ZFYVE9: variants seen among roughly 807,000 people sequenced by gnomAD.
ZFYVE9 encodes the protein zinc finger FYVE domain-containing protein 9.
A neutral mutation model predicts 126.7 loss-of-function variants in ZFYVE9; 43 were observed. The observed-to-expected ratio is 0.34, with a 90% CI of 0.27 to 0.44. The LOEUF is 0.44. Among genes scored for constraint, ZFYVE9 ranks in the 20% least tolerant of loss-of-function variants. The pLI is 1.00. For synonymous variants in ZFYVE9, 521 were observed against 597.4 expected, an observed-to-expected ratio of 0.87 and a Z score of 1.87; for missense variants, 1,476 against 1,697.0, an observed-to-expected ratio of 0.87 and a Z score of 2.29.
At chr1:52,334,130 G>A (rs1646369028) in intron 14 of ZFYVE9, among the ~76,000 whole-genome samples, 2 of 152,040 alleles carry the variant, frequency 1.3e-5, no homozygotes, top group Non-Finnish European at 2.9e-5. Flanking sequence ...AAAATAGTTG[G>A]CAACCATATT....
chr1:52,290,006 A>G (rs1031720328), intron 10 of ZFYVE9, among the ~76,000 whole-genome samples: 1 of 152,182 alleles, frequency 6.6e-6, no homozygotes, highest in Admixed American at 6.6e-5. Context: ...TTTCACCTCT[A>G]AGCTATATTT....
intron 10 of ZFYVE9, among the ~76,000 whole-genome samples, chr1:52,288,940 A>G (rs183668585): frequency 5.3e-5 from 8 of 150,632 alleles, no homozygotes; most frequent in African/African-American, 1.2e-4. Context: ...AAAAAAAAAA[A>G]AAAAAAGAAA....
chr1:52,278,880 G>A (rs1399493343), intron 9 of ZFYVE9, among the ~76,000 whole-genome samples: 4 of 151,614 alleles, frequency 2.6e-5, no homozygotes, highest in East Asian at 1.9e-4. Flanking sequence ...ACAGGTGCCC[G>A]CCACCACGCC....
At chr1:52,334,207 A>G (rs1385609583) in intron 14 of ZFYVE9, among the ~76,000 whole-genome samples, 1 of 152,208 alleles carries the variant, frequency 6.6e-6, no homozygotes, top group East Asian at 1.9e-4. Context: ...GGGGTGGCAA[A>G]CTTTTTTTGT....
intron 2 of ZFYVE9, 69 bp from the exon 3 acceptor site, chr1:52,233,102 T>C (rs1275570744): frequency 1.6e-6 from 1 of 622,246 alleles, no homozygotes; most frequent in East Asian, 3.7e-5. Context: ...ATTTTATCCT[T>C]GTGTATATAC....
chr1:52,293,601 T>C lies in ZFYVE9; in HGVS notation c.3174T>C (p.Leu1058=), dbSNP rs1432082148. The change falls in exon 11 of 19, where the codon CTT becomes CTC. Residue 1058 remains leucine (L), a synonymous_variant. Transcript: ENST00000287727. ...LPTPPYLFGI[L]IQKWETPWAK... ...CCCCACCTTACTTGTTTGGGATTCTTATCCAGAAATGGGAAACTCCTTGGG... is the reference window on the plus strand; with the variant it reads ...CCCCACCTTACTTGTTTGGGATTCTCATCCAGAAATGGGAAACTCCTTGGG... 6.2e-7 allele frequency: 1 copy of C among 1,613,982 alleles called. No individual in the cohort carries two copies. The highest frequency in any genetic ancestry group is 8.5e-7 in the Non-Finnish European group (1 of 1,180,018).
intron 16 of ZFYVE9, 26 bp from the exon 17 acceptor site, chr1:52,340,100 C>T: frequency 6.3e-7 from 1 of 1,586,044 alleles, no homozygotes; most frequent in Non-Finnish European, 8.6e-7. Flanking sequence ...AGAGCTGCTT[C>T]TATCTTTCCT....
intron 1 of ZFYVE9, among the ~76,000 whole-genome samples, chr1:52,167,430 A>ATGGGT (rs1644523951): frequency 2.0e-5 from 3 of 152,224 alleles, no homozygotes; most frequent in Non-Finnish European, 4.4e-5. Flanking sequence ...GGATAAATGA[A>ATGGGT]ATTGCACGTT....
intron 1 of ZFYVE9, among the ~76,000 whole-genome samples, chr1:52,212,029 A>G (rs185804727): frequency 1.8e-4 from 28 of 152,324 alleles, no homozygotes; most frequent in Admixed American, 1.6e-3. Flanking sequence ...CCTTCATATT[A>G]CAGTTAAAAT....
intron 13 of ZFYVE9, among the ~76,000 whole-genome samples, chr1:52,323,602 T>G (rs116450697): frequency 0.01 from 1,526 of 151,934 alleles, 21 homozygotes; most frequent in African/African-American, 0.035. Flanking sequence ...GCGTGAGACC[T>G]CAGCTCTACA....
chr1:52,288,607 T>C (rs2147824289), intron 10 of ZFYVE9, among the ~76,000 whole-genome samples: 1 of 152,306 alleles, frequency 6.6e-6, no homozygotes, highest in South Asian at 2.1e-4. Flanking sequence ...GCTTGAGTTT[T>C]AGTCATATTA....
chr1:52,214,770 G>A (rs902008194), intron 1 of ZFYVE9, among the ~76,000 whole-genome samples: 1 of 152,144 alleles, frequency 6.6e-6, no homozygotes, highest in Admixed American at 6.5e-5. Flanking sequence ...GGAGACCCAG[G>A]AAAGCTGGTG....
chr1:52,265,173 C>T (rs568460630), intron 5 of ZFYVE9, among the ~76,000 whole-genome samples: 2 of 152,274 alleles, frequency 1.3e-5, no homozygotes, highest in Non-Finnish European at 2.9e-5. Context: ...AGGTAATCCA[C>T]TTTTCCTGGT....
At chr1:52,246,575 A>G (rs1307749433) in intron 4 of ZFYVE9, among the ~76,000 whole-genome samples, 1 of 147,166 alleles carries the variant, frequency 6.8e-6, no homozygotes, top group East Asian at 2.0e-4. Flanking sequence ...TCTGTTGCCC[A>G]GGCTGGAGTG....
At chr1:52,343,921 A>G (rs999067638) in intron 17 of ZFYVE9, among the ~76,000 whole-genome samples, 3 of 152,090 alleles carry the variant, frequency 2.0e-5, no homozygotes, top group East Asian at 3.9e-4. Context: ...AAAATACAAA[A>G]ATTAGCCAGG....
rs779418753 is a variant in ZFYVE9 at position 52,332,826 on chromosome 1, A to G, written c.3497A>G (p.Asn1166Ser). 5.1e-5 allele frequency: 83 copies of G among 1,614,038 alleles called. No homozygotes were observed. The highest frequency in any genetic ancestry group is 1.6e-4 in the South Asian group (15 of 91,086). Residue 1166 changes from asparagine (N) to serine (S), a missense_variant, in exon 14 of 19, where the codon AAT (asparagine) becomes AGT (serine). Asn to Ser is a conservative substitution (Grantham distance 46). This residue lies in a region of ZFYVE9 where 669 missense variants were observed against 902.4 expected (regional missense o/e 0.74). Transcript: ENST00000287727. Reference sequence around the variant, plus strand: ...GTCCTGGCAGGAGGTGCCTGCTTCAATGAAAAGGCAGACTCTCATCTTGTG... The same window carrying G: ...GTCCTGGCAGGAGGTGCCTGCTTCAGTGAAAAGGCAGACTCTCATCTTGTG... Reference protein sequence around the residue: ...EHVLAGGACFNEKADSHLVCV... With the variant: ...EHVLAGGACFSEKADSHLVCV...
intron 13 of ZFYVE9, among the ~76,000 whole-genome samples, chr1:52,308,937 A>G (rs1483329807): frequency 6.6e-6 from 1 of 152,240 alleles, no homozygotes; most frequent in Non-Finnish European, 1.5e-5. Context: ...AAGACATGAA[A>G]CAGATCTAAT....
rs12076091 is a variant in ZFYVE9, at chr1:52,224,130, A to T, written c.-37+7656A>T. Among the ~76,000 whole-genome samples the T allele has an allele frequency of 7.1e-3, 1,086 of 152,284 alleles. 11 individuals are homozygous for T. Among genetic ancestry groups the T allele is most frequent in the African/African-American group, 0.025 (1,026 of 41,554 alleles). On this transcript the variant is annotated intron_variant, in intron 2 of 18. Transcript: ENST00000287727. Reference sequence around the variant, plus strand: ...CTTAAGGGAAAAAGGGTTGGGGTAGACTTCTTTGAGGAAGGGAGGAAAGGA... The same window carrying T: ...CTTAAGGGAAAAAGGGTTGGGGTAGTCTTCTTTGAGGAAGGGAGGAAAGGA...
chr1:52,252,579 C>T (rs1399956126), intron 4 of ZFYVE9: 1 of 199,686 alleles, frequency 5.0e-6, no homozygotes, highest in Non-Finnish European at 1.1e-5. Context: ...AGGGTGGTCT[C>T]GATCTCCTGA....
Sources: allele counts gnomAD v4.1 joint callset (sites outside exome capture counted in the v4.1 genomes callset), GRCh38; gene constraint gnomAD v4.1.1; regional missense constraint gnomAD v4.1.1; transcripts MANE v1.5; gene names NCBI Gene and HGNC (gene_info 2026-07-23, HGNC 2026-07-21).